Variants in SMTN observed in about 807,000 individuals in gnomAD.
SMTN encodes smoothelin.
SMTN carries 58 observed loss-of-function variants against 102.0 expected under a neutral mutation model. That is an observed-to-expected ratio of 0.57 (90% CI 0.46 to 0.71). The LOEUF (loss-of-function observed/expected upper bound fraction) is 0.71. Among genes scored for constraint, SMTN ranks in the 30% least tolerant of loss-of-function variants. The probability of loss-of-function intolerance (pLI) is 0.00; values close to 1 mark genes in which losing one functional copy is unlikely to be tolerated. For missense variants in SMTN, 1,185 were observed against 1,241.7 expected (o/e 0.95, Z 0.69); for synonymous variants, 478 against 497.9 (o/e 0.96, Z 0.53).
Position 31,097,050 on chromosome 22 carries a change from G to A in SMTN, c.2079G>A (p.Arg693=). The part of the protein sequence containing the change: ...RTTTVESSFV[R]RSENGSGSTM... ...CCACAGTGGAGTCGAGTTTCGTGAG[G>A]CGCTCGGAGAGTAAGGCCACCTGGT... is the stretch of plus-strand genomic sequence containing the variant. The change falls in exon 15 of 21, where the codon AGG becomes AGA. Residue 693 remains arginine, a synonymous_variant. Transcript: ENST00000333137. The A allele has an allele frequency of 3.1e-6, 5 of 1,614,130 alleles. No homozygotes were observed. The highest frequency in any genetic ancestry group is 4.2e-6 in the Non-Finnish European group (5 of 1,179,998).
upstream of SMTN, among the ~76,000 whole-genome samples, chr22:31,079,224 T>C (rs181719302): frequency 2.0e-3 from 305 of 152,346 alleles, 2 homozygotes; most frequent in African/African-American, 7.1e-3. Flanking sequence ...TAAACTTCCC[T>C]AGCACTGTAC....
At chr22:31,070,222 C>T (rs752285196) in intron 1 of SMTN, among the ~76,000 whole-genome samples, 7 of 152,154 alleles carry the variant, frequency 4.6e-5, no homozygotes, top group Admixed American at 1.3e-4. Context: ...GCCAGCTTCA[C>T]GTAATGAAGG....
At chr22:31,099,031 G>C in intron 17 of SMTN, 31 bp from the exon 18 acceptor site, 2 of 1,594,920 alleles carry the variant, frequency 1.3e-6, no homozygotes, top group South Asian at 2.2e-5. Context: ...CCTTATAGTC[G>C]TGTGACCTGG....
At chr22:31,097,690 C>T (rs1569265176) in intron 16 of SMTN, among the ~76,000 whole-genome samples, 6 of 149,852 alleles carry the variant, frequency 4.0e-5, no homozygotes, top group Admixed American at 1.3e-4. Context: ...GGCAACAGAG[C>T]GAGACTCAGT....
intron 18 of SMTN, 187 bp downstream of exon 18, chr22:31,099,366 G>C: frequency 3.3e-6 from 2 of 599,316 alleles, no homozygotes; most frequent in Middle Eastern, 4.3e-4. Context: ...CTAGATTCCA[G>C]AATCAGTGAT....
intron 16 of SMTN, among the ~76,000 whole-genome samples, chr22:31,097,654 A>C (rs187294155): frequency 8.3e-4 from 127 of 152,144 alleles, no homozygotes; most frequent in African/African-American, 3.0e-3. Flanking sequence ...CAGTGAGCTG[A>C]GATCACTCCA....
chr22:31,097,159 A>T, intron 15 of SMTN, 99 bp downstream of exon 15: 1 of 1,498,228 alleles, frequency 6.7e-7, no homozygotes, highest in Non-Finnish European at 9.3e-7. Context: ...CTGTGCCGTC[A>T]CTTTCTCTTC....
intron 4 of SMTN, 32 bp from the exon 5 acceptor site, chr22:31,088,667 C>T (rs368360954): frequency 4.8e-5 from 78 of 1,612,864 alleles, no homozygotes; most frequent in Non-Finnish European, 6.1e-5. Flanking sequence ...GACTCCACAG[C>T]CCAACACCCG....
At chr22:31,083,494 C>G in intron 2 of SMTN, 185 bp downstream of exon 2, 2 of 687,910 alleles carry the variant, frequency 2.9e-6, no homozygotes, top group Non-Finnish European at 4.7e-6. Flanking sequence ...ATGTGCCTGT[C>G]CATGCCTGGT....
intron 1 of SMTN, among the ~76,000 whole-genome samples, chr22:31,070,356 C>A (rs2041967573): frequency 6.6e-6 from 1 of 152,158 alleles, no homozygotes; most frequent in Admixed American, 6.5e-5. Flanking sequence ...GCCTTTCAGT[C>A]TGGGCCTTTC....
At position 31,088,914 on chromosome 22, in the gene SMTN, G is replaced by T. The variant is rs2147653121; in HGVS notation, c.416G>T (p.Ser139Ile). The change falls in exon 6 of 21, where the codon AGT becomes ATT. Residue 139 changes from serine to isoleucine, a missense_variant. Physicochemically the swap from Ser to Ile is moderately radical, Grantham distance 142. Transcript: ENST00000333137. Reference sequence around the variant, plus strand: ...AGGTTGTACAGCGGGCGTCCCAACAGTGGCTCAAGAGAGGACAGCAAGGGG... The same window carrying T: ...AGGTTGTACAGCGGGCGTCCCAACATTGGCTCAAGAGAGGACAGCAAGGGG... ...AGRLYSGRPNSGSREDSKGLA... is the reference protein window; with the variant it reads ...AGRLYSGRPNIGSREDSKGLA... 6.2e-7 allele frequency: 1 copy of T among 1,613,976 alleles called. No homozygotes were observed. Among genetic ancestry groups the T allele is most frequent in the Non-Finnish European group, 8.5e-7 (1 of 1,180,022 alleles).
At chr22:31,088,488 G>T in intron 3 of SMTN, 25 bp from the exon 4 acceptor site, 1 of 1,601,734 alleles carries the variant, frequency 6.2e-7, no homozygotes, top group South Asian at 1.1e-5. Context: ...TGGCAGTGGT[G>T]GTTACAGTCA....
chr22:31,089,543 A>G, intron 6 of SMTN, 156 bp from the exon 7 acceptor site: 3 of 669,254 alleles, frequency 4.5e-6, no homozygotes, highest in Non-Finnish European at 7.8e-6. Flanking sequence ...TTAGCATGCC[A>G]GTGCCAGTGC....
intron 1 of SMTN, among the ~76,000 whole-genome samples, chr22:31,069,129 C>T (rs1290178444): frequency 6.6e-6 from 1 of 152,140 alleles, no homozygotes; most frequent in African/African-American, 2.4e-5. Context: ...GTTAGAAGAC[C>T]GGAGGCGGGG....
intron 2 of SMTN, chr22:31,085,068 C>G (rs948770884): frequency 1.3e-6 from 2 of 1,532,556 alleles, no homozygotes; most frequent in Admixed American, 2.0e-5. Flanking sequence ...AGGATTGGGC[C>G]GGGGATGGGA....
rs780495099 is a variant in SMTN at position 31,088,029 on chromosome 22, G to A, written c.116G>A (p.Arg39Gln). Residue 39 changes from arginine (R) to glutamine (Q), a missense_variant, in exon 3 of 21, where the codon CGG becomes CAG. Transcript: ENST00000333137. Reference sequence around the variant, plus strand: ...CGCTCAGCCATCCGGGAACTGCAGCGGCAGGAGCTGGAGCGCGAGGAGGAG... The same window carrying A: ...CGCTCAGCCATCCGGGAACTGCAGCAGCAGGAGCTGGAGCGCGAGGAGGAG... The part of the protein sequence containing the change: ...RIRSAIRELQ[R>Q]QELEREEEAL... 6.0e-5 allele frequency: 97 copies of A among 1,611,936 alleles called. 1 individual carries two copies. The South Asian group carries it at 8.9e-4, about 15-fold the overall frequency.
At chr22:31,085,374 C>G (rs1205695898) in intron 2 of SMTN, 3 of 1,271,756 alleles carry the variant, frequency 2.4e-6, no homozygotes, top group Non-Finnish European at 2.1e-6. Flanking sequence ...CGAGGCTTCC[C>G]TCCACCGCCG....
At chr22:31,093,632 G>A (rs2043321008) in intron 11 of SMTN, 1 of 769,472 alleles carries the variant, frequency 1.3e-6, no homozygotes, top group African/African-American at 1.7e-5. Context: ...CGGGCAGAGA[G>A]AGCAGCACTG....
intron 1 of SMTN, chr22:31,064,892 C>T (rs890033371): frequency 3.9e-5 from 6 of 152,114 alleles, no homozygotes; most frequent in Non-Finnish European, 7.3e-5. Context: ...ACCTACATAC[C>T]TTATTTGAAT....
Sources: gnomAD v4.1 joint callset for allele counts (sites outside exome capture counted in the v4.1 genomes callset) on GRCh38, gnomAD v4.1.1 for gene constraint, MANE v1.5 for transcripts, NCBI Gene and HGNC (gene_info 2026-07-23, HGNC 2026-07-21) for gene names.